DYM: variants seen among roughly 807,000 people sequenced by gnomAD.
DYM encodes the protein dymeclin, also known as dyggve-Melchior-Clausen syndrome protein.
A neutral mutation model predicts 93.1 loss-of-function variants in DYM; 78 were observed. The observed-to-expected ratio is 0.84, with a 90% CI of 0.70 to 1.01. The LOEUF (loss-of-function observed/expected upper bound fraction) is 1.01, where lower values mean the gene tolerates loss of function less well. Ranked by LOEUF, DYM falls within the 50% of genes least tolerant of loss-of-function variation. The probability of loss-of-function intolerance (pLI) is 0.00; values close to 1 mark genes in which losing one functional copy is unlikely to be tolerated. For missense variants in DYM, 789 were observed against 845.0 expected (o/e 0.93, Z 0.82); for synonymous variants, 321 against 319.7 (o/e 1.00, Z -0.04).
intron 17 of DYM, among the ~76,000 whole-genome samples, chr18:49,044,935 C>T (rs1428003944): frequency 6.6e-6 from 1 of 152,258 alleles, no homozygotes; most frequent in Admixed American, 6.5e-5. Context: ...TGGCCTAAGG[C>T]AGCACTTGCG....
intron 10 of DYM, among the ~76,000 whole-genome samples, chr18:49,277,064 G>C (rs948501725): frequency 6.6e-6 from 1 of 152,150 alleles, no homozygotes; most frequent in Non-Finnish European, 1.5e-5. Context: ...CTGTGACAGA[G>C]AATACAGGAG....
At chr18:49,074,143 C>T (rs1246907193) in intron 17 of DYM, among the ~76,000 whole-genome samples, 1 of 152,206 alleles carries the variant, frequency 6.6e-6, no homozygotes, top group Non-Finnish European at 1.5e-5. Flanking sequence ...AGTTGGCTCT[C>T]TGTATCCATA....
At chr18:49,129,911 T>G (rs2083221652) in intron 15 of DYM, among the ~76,000 whole-genome samples, 1 of 151,926 alleles carries the variant, frequency 6.6e-6, no homozygotes, top group Admixed American at 6.6e-5. Context: ...GAACAAGAGG[T>G]AGGAAGCTCT....
chr18:49,234,746 G>A (rs890846222), intron 13 of DYM, among the ~76,000 whole-genome samples: 5 of 152,108 alleles, frequency 3.3e-5, no homozygotes, highest in African/African-American at 4.8e-5. Flanking sequence ...CCTTAAAACC[G>A]GGAGACTATC....
At position 49,111,681 on chromosome 18, in the gene DYM, C is replaced by T. The variant is rs2145857482; in HGVS notation, c.1911+7063G>A. Among the ~76,000 whole-genome samples, 2 of 152,278 alleles carry T rather than the reference C, an allele frequency of 1.3e-5. 1 individual carries two copies. Among genetic ancestry groups the T allele is most frequent in the South Asian group, 4.1e-4 (2 of 4,824 alleles). ...TTTTTCAACGTTCATGCTCCACGTT[C>T]TGCTTTCAGTGAGTTCTGCATACCT... On this transcript the variant is annotated intron_variant, in intron 16 of 17. Transcript: ENST00000675505.
At chr18:49,389,798 G>A (rs1228986956) in intron 3 of DYM, among the ~76,000 whole-genome samples, 1 of 152,046 alleles carries the variant, frequency 6.6e-6, no homozygotes, top group Non-Finnish European at 1.5e-5. Flanking sequence ...AAAGTTACCA[G>A]TATTACAGGC....
At chr18:49,142,267 A>C (rs2084599392) in intron 15 of DYM, among the ~76,000 whole-genome samples, 1 of 152,162 alleles carries the variant, frequency 6.6e-6, no homozygotes. Flanking sequence ...TAATTATAGC[A>C]AATTAATTAC....
chr18:49,450,983 A>T (rs1248165226), intron 1 of DYM, among the ~76,000 whole-genome samples: 1 of 152,234 alleles, frequency 6.6e-6, no homozygotes, highest in Non-Finnish European at 1.5e-5. Context: ...GAAAGAACGT[A>T]CAGGACTCAT....
intron 11 of DYM, among the ~76,000 whole-genome samples, chr18:49,263,504 G>A (rs1312794859): frequency 6.6e-6 from 1 of 151,576 alleles, no homozygotes; most frequent in African/African-American, 2.4e-5. Flanking sequence ...GCTGAGGTGG[G>A]TGGATCACGA....
chr18:49,250,061 G>A (rs762798579), intron 13 of DYM, among the ~76,000 whole-genome samples: 2 of 152,160 alleles, frequency 1.3e-5, no homozygotes, highest in East Asian at 1.9e-4. Flanking sequence ...AGTTTCAAGC[G>A]GCAGCAGACA....
rs749193075 is a variant in DYM at position 49,042,031 on chromosome 18, T to G, written c.*2024A>C. On this transcript the variant is annotated 3_prime_UTR_variant, in exon 18 of 18. Coordinates refer to ENST00000675505, the MANE Select transcript of DYM (RefSeq NM_001353214.3). ...CCAATCAAAATGCTTTGGAAACAAA[T>G]TAAAGTTGCAAATTATTTCCCCACA... The G allele has an allele frequency of 2.0e-5, 3 of 152,250 alleles. No homozygotes were observed. The highest frequency in any genetic ancestry group is 4.4e-5 in the Non-Finnish European group (3 of 68,040). 9.4% of individuals were successfully genotyped at this position (152,250 alleles called of 1,614,324 possible).
At chr18:49,372,572 G>A (rs142686502) in intron 5 of DYM, among the ~76,000 whole-genome samples, 1,530 of 152,068 alleles carry the variant, frequency 0.01, 43 homozygotes, top group South Asian at 0.076. Flanking sequence ...GCAAAACTCC[G>A]TCTCTACTAA....
chr18:49,133,444 G>A (rs1401998877), intron 15 of DYM, among the ~76,000 whole-genome samples: 1 of 152,214 alleles, frequency 6.6e-6, no homozygotes, highest in African/African-American at 2.4e-5. Flanking sequence ...CAGACATTCA[G>A]ATAGGTTTGG....
intron 14 of DYM, among the ~76,000 whole-genome samples, chr18:49,177,723 A>G (rs2089533226): frequency 6.6e-6 from 1 of 151,982 alleles, no homozygotes; most frequent in Admixed American, 6.6e-5. Context: ...GTCTTCCTTT[A>G]TCTTTTGTTT....
intron 13 of DYM, among the ~76,000 whole-genome samples, chr18:49,248,756 A>G (rs1251295787): frequency 6.6e-6 from 1 of 152,216 alleles, no homozygotes; most frequent in Non-Finnish European, 1.5e-5. Context: ...AATTAAAAAT[A>G]AAGTTTAATA....
chr18:49,080,527 A>G (rs1472152173), intron 17 of DYM, among the ~76,000 whole-genome samples: 1 of 133,900 alleles, frequency 7.5e-6, no homozygotes, highest in Non-Finnish European at 1.6e-5. Context: ...CTCACTTCCC[A>G]GTAGGGGCGG....
intron 8 of DYM, among the ~76,000 whole-genome samples, chr18:49,329,029 T>C (rs1431518102): frequency 6.6e-6 from 1 of 152,070 alleles, no homozygotes; most frequent in African/African-American, 2.4e-5. Context: ...GACTTGGAAC[T>C]AACCCAAATG....
At chr18:49,047,007 G>A (rs904840367) in intron 17 of DYM, among the ~76,000 whole-genome samples, 1 of 152,216 alleles carries the variant, frequency 6.6e-6, no homozygotes, top group African/African-American at 2.4e-5. Context: ...GGAGCAGAGT[G>A]AAGCAGCAAA....
chr18:49,329,106 A>T (rs1465632612), intron 8 of DYM, among the ~76,000 whole-genome samples: 1 of 152,112 alleles, frequency 6.6e-6, no homozygotes, highest in East Asian at 1.9e-4. Context: ...CTGCAGCCAT[A>T]AAAAAGGATG....
Sources: allele counts gnomAD v4.1 joint callset (sites outside exome capture counted in the v4.1 genomes callset), GRCh38; gene constraint gnomAD v4.1.1; transcripts MANE v1.5; gene names NCBI Gene and HGNC (gene_info 2026-07-23, HGNC 2026-07-21).